KALRN: variants seen among roughly 807,000 people sequenced by gnomAD.
KALRN encodes kalirin.
Under a neutral mutation model 353.7 loss-of-function variants are expected in KALRN, and 70 were observed. That is an observed-to-expected ratio of 0.20 (90% confidence interval 0.16 to 0.24). The LOEUF (loss-of-function observed/expected upper bound fraction) is 0.24, where lower values mean the gene tolerates loss of function less well. Among genes scored for constraint, KALRN ranks in the 10% least tolerant of loss-of-function variants. The probability of loss-of-function intolerance (pLI) is 1.00; values close to 1 mark genes in which losing one functional copy is unlikely to be tolerated. For missense variants in KALRN, 2,791 were observed against 3,756.7 expected, an observed-to-expected ratio of 0.74 and a Z score of 6.72; for synonymous variants, 1,391 against 1,434.8, an observed-to-expected ratio of 0.97 and a Z score of 0.69.
In KALRN at chr3:124,642,806, G is replaced by GTTTTTTTGTTGTTGTTGT. The variant is rs1553707032; in HGVS notation, c.5664+5510_5664+5511insGTTGTTGTTGTTTTTTTT. 2.3e-4 allele frequency among the ~76,000 whole-genome samples: 22 copies of GTTTTTTTGTTGTTGTTGT among 96,810 alleles called. 1 individual carries two copies. Among genetic ancestry groups the GTTTTTTTGTTGTTGTTGT allele is most frequent in the East Asian group, 9.5e-4 (2 of 2,100 alleles). The allele number at this position is 96,810 out of a possible 152,430, so 63.5% of individuals were successfully genotyped here. A position where few individuals can be genotyped will look rare whatever the true frequency, so the allele number is the denominator to read the frequency against. ...TCTGTGGAAGAGATTCCCAAGCCTC[G>GTTTTTTTGTTGTTGTTGT]TTTTTTTTTTTTTTTTTTTTGAGAC... On this transcript the variant is annotated intron_variant, in intron 37 of 59. Coordinates refer to ENST00000682506, the MANE Select transcript of KALRN (RefSeq NM_001388419.1).
At chr3:124,419,820 C>G (rs1239090273) in intron 14 of KALRN, among the ~76,000 whole-genome samples, 1 of 152,182 alleles carries the variant, frequency 6.6e-6, no homozygotes, top group East Asian at 1.9e-4. Flanking sequence ...ATACATTCCG[C>G]TACTTGATGG....
intron 8 of KALRN, among the ~76,000 whole-genome samples, chr3:124,332,385 T>C (rs1226387207): frequency 6.6e-6 from 1 of 152,058 alleles, no homozygotes; most frequent in Non-Finnish European, 1.5e-5. Context: ...CACACCTCAT[T>C]CCCTACCTTG....
intron 5 of KALRN, among the ~76,000 whole-genome samples, chr3:124,298,092 G>A (rs955065380): frequency 6.6e-6 from 1 of 152,176 alleles, no homozygotes; most frequent in Non-Finnish European, 1.5e-5. Flanking sequence ...AAAAAGCCAG[G>A]GGTTCTGGTC....
chr3:124,361,460 C>T (rs1170749764), intron 10 of KALRN, among the ~76,000 whole-genome samples: 1 of 152,126 alleles, frequency 6.6e-6, no homozygotes, highest in African/African-American at 2.4e-5. Context: ...AATGATATAG[C>T]CATGGTAATA....
intron 1 of KALRN, among the ~76,000 whole-genome samples, chr3:124,059,768 C>T (rs529975770): frequency 3.3e-5 from 5 of 152,212 alleles, no homozygotes; most frequent in South Asian, 2.1e-4. Flanking sequence ...AAAGATATGA[C>T]GTCATTTAAA....
chr3:124,144,358 C>G (rs1344431838), intron 1 of KALRN, among the ~76,000 whole-genome samples: 1 of 152,166 alleles, frequency 6.6e-6, no homozygotes, highest in East Asian at 1.9e-4. Context: ...TTTCCCTGCT[C>G]CTTAGGAAGG....
In KALRN at chr3:124,474,696, A is replaced by G. The variant is rs1561062800; in HGVS notation, c.4065A>G (p.Gln1355=). The G allele has an allele frequency of 6.2e-7, 1 of 1,614,138 alleles. No homozygotes were observed. Among genetic ancestry groups the G allele is most frequent in the Non-Finnish European group, 8.5e-7 (1 of 1,179,992 alleles). The change falls in exon 26 of 60, where the codon CAA becomes CAG. Residue 1355 remains glutamine (Q), a synonymous_variant. Coordinates refer to ENST00000682506, the MANE Select transcript of KALRN (RefSeq NM_001388419.1). ...IFLKELEKYE[Q]LPEDVGHCFV... is the part of the protein sequence containing the mutation. The stretch of plus-strand genomic sequence containing the variant: ...TCAAAGAGCTGGAGAAGTACGAGCA[A>G]CTGCCTGAGGATGTGGGACACTGCT...
At chr3:124,560,700 A>C (rs559384261) in intron 33 of KALRN, among the ~76,000 whole-genome samples, 4 of 152,334 alleles carry the variant, frequency 2.6e-5, no homozygotes, top group South Asian at 2.1e-4. Context: ...AAAAATAAAA[A>C]TAAAAATTAG....
chr3:124,062,656 T>G (rs1260700296), intron 1 of KALRN, among the ~76,000 whole-genome samples: 1 of 152,226 alleles, frequency 6.6e-6, no homozygotes, highest in African/African-American at 2.4e-5. Flanking sequence ...CTCTCATCAC[T>G]TTCTCTTGTT....
At chr3:124,490,919 T>A (rs1213969204) in intron 30 of KALRN, 35 bp downstream of exon 30, 1 of 1,568,960 alleles carries the variant, frequency 6.4e-7, no homozygotes, top group East Asian at 2.2e-5. Context: ...CAAGACTCCC[T>A]GCTTTCATAG....
intron 34 of KALRN, among the ~76,000 whole-genome samples, chr3:124,631,042 A>G (rs1041900376): frequency 1.3e-5 from 2 of 152,160 alleles, no homozygotes; most frequent in Non-Finnish European, 2.9e-5. Flanking sequence ...TTCTTAGGTC[A>G]ACTCTCCTGA....
At chr3:124,358,787 C>T (rs1362704582) in intron 10 of KALRN, among the ~76,000 whole-genome samples, 1 of 152,192 alleles carries the variant, frequency 6.6e-6, no homozygotes, top group Non-Finnish European at 1.5e-5. Context: ...ATTTGAGGCA[C>T]AGAGACTAAA....
chr3:124,440,716 A>T (rs1048374647), intron 18 of KALRN, among the ~76,000 whole-genome samples: 2 of 152,070 alleles, frequency 1.3e-5, no homozygotes, highest in African/African-American at 2.4e-5. Context: ...AAAATTTCAA[A>T]GAAAAATGAA....
chr3:124,103,054 G>T (rs1453385912), intron 1 of KALRN, among the ~76,000 whole-genome samples: 1 of 152,138 alleles, frequency 6.6e-6, no homozygotes, highest in Non-Finnish European at 1.5e-5. Flanking sequence ...GTCTAGGATG[G>T]GTTGCCCCCT....
Position 124,642,806 on chromosome 3 carries a change from G to GTTGTTTTTTTTTTTTTTT in KALRN, c.5664+5505_5664+5506insGTTTTTTTTTTTTTTTTT, listed in dbSNP as rs796628603. On this transcript the variant is annotated intron_variant, in intron 37 of 59. Coordinates refer to ENST00000682506, the MANE Select transcript of KALRN (RefSeq NM_001388419.1). ...TCTGTGGAAGAGATTCCCAAGCCTC[G>GTTGTTTTTTTTTTTTTTT]TTTTTTTTTTTTTTTTTTTTGAGAC... Among the ~76,000 whole-genome samples, 121 of 96,796 alleles carry GTTGTTTTTTTTTTTTTTT rather than the reference G, an allele frequency of 1.3e-3. 9 individuals are homozygous for GTTGTTTTTTTTTTTTTTT. The highest frequency in any genetic ancestry group is 2.2e-3 in the African/African-American group (50 of 22,306). The allele number at this position is 96,796 out of a possible 152,430, so 63.5% of individuals were successfully genotyped here. A position where few individuals can be genotyped will look rare whatever the true frequency, so the allele number is the denominator to read the frequency against.
intron 5 of KALRN, among the ~76,000 whole-genome samples, chr3:124,285,557 CAG>C (rs2075755590): frequency 6.6e-6 from 1 of 152,128 alleles, no homozygotes; most frequent in Non-Finnish European, 1.5e-5. Context: ...GTTTTTGAGA[CAG>C]AGTTTCACTC....
chr3:124,364,303 C>A (rs2084389667), intron 10 of KALRN, among the ~76,000 whole-genome samples: 1 of 152,118 alleles, frequency 6.6e-6, no homozygotes, highest in Admixed American at 6.5e-5. Flanking sequence ...CAGGAACAGT[C>A]AAGAGTTTCA....
intron 10 of KALRN, among the ~76,000 whole-genome samples, chr3:124,373,777 T>G (rs1483850962): frequency 6.6e-6 from 1 of 152,164 alleles, no homozygotes; most frequent in African/African-American, 2.4e-5. Context: ...TCATCTTAAC[T>G]AATTATATCT....
chr3:124,038,820 C>T (rs908331317), intron 1 of KALRN, among the ~76,000 whole-genome samples: 1 of 152,234 alleles, frequency 6.6e-6, no homozygotes, highest in Non-Finnish European at 1.5e-5. Flanking sequence ...ATAAGTGACA[C>T]CTTCACTCTC....
Sources: allele counts gnomAD v4.1 joint callset (sites outside exome capture counted in the v4.1 genomes callset), GRCh38; gene constraint gnomAD v4.1.1; transcripts MANE v1.5; gene names NCBI Gene and HGNC (gene_info 2026-07-23, HGNC 2026-07-21).